The following SRPK2 variants were observed in gnomAD, a reference collection of about 807,000 sequenced individuals.
SRPK2 encodes SRSF protein kinase 2.
SRPK2 carries 21 observed loss-of-function variants against 90.8 expected under a neutral mutation model. The observed-to-expected ratio is 0.23, with a 90% CI of 0.16 to 0.33. The LOEUF (loss-of-function observed/expected upper bound fraction) is 0.33. Among genes scored for constraint, SRPK2 ranks in the 10% least tolerant of loss-of-function variants. The pLI, the probability that SRPK2 is intolerant of heterozygous loss-of-function variation, is 1.00. For synonymous variants in SRPK2, 288 were observed against 311.1 expected (o/e 0.93, Z 0.78); for missense variants, 620 against 869.0 (o/e 0.71, Z 3.60).
At chr7:105,378,908 G>C (rs7357199) in intron 2 of SRPK2, among the ~76,000 whole-genome samples, 41,543 of 151,976 alleles carry the variant, frequency 0.27, 6,183 homozygotes, top group Middle Eastern at 0.34. Flanking sequence ...GCAAACTTAA[G>C]TGTCTTTACA....
At position 105,325,315 on chromosome 7, in the gene SRPK2, A is replaced by G. The variant is rs1002644725; in HGVS notation, c.71+63333T>C. On this transcript the variant is annotated intron_variant, in intron 2 of 15. Coordinates refer to ENST00000393651, the MANE Select transcript of SRPK2 (RefSeq NM_182692.3). ...TCTAGCTCTTTAACAAGGTGTCACA[A>G]GCGATTATTACATGCCTTTGTGAAA... 2.0e-5 allele frequency among the ~76,000 whole-genome samples: 3 copies of G among 152,148 alleles called. No individual in the cohort carries two copies. The East Asian group carries it at 5.8e-4, about 29-fold the overall frequency.
chr7:105,312,192 A>C (rs1457831772), intron 2 of SRPK2, among the ~76,000 whole-genome samples: 5 of 152,262 alleles, frequency 3.3e-5, no homozygotes, highest in Admixed American at 6.5e-5. Flanking sequence ...CTGTAATCCC[A>C]GAACTTTGGG....
At chr7:105,120,271 C>T (rs1033508518) in intron 15 of SRPK2, among the ~76,000 whole-genome samples, 1 of 152,170 alleles carries the variant, frequency 6.6e-6, no homozygotes, top group Non-Finnish European at 1.5e-5. Context: ...TACAGAGAAG[C>T]ACTGTGTGCT....
intron 2 of SRPK2, among the ~76,000 whole-genome samples, chr7:105,375,983 C>CTTT (rs34445430): frequency 0.038 from 2,374 of 63,200 alleles, 672 homozygotes; most frequent in East Asian, 0.043. Context: ...GAATTCATTT[C>CTTT]TTTTTTTTTT....
intron 2 of SRPK2, among the ~76,000 whole-genome samples, chr7:105,331,911 C>T (rs750430924): frequency 3.9e-5 from 6 of 152,108 alleles, no homozygotes; most frequent in Non-Finnish European, 5.9e-5. Flanking sequence ...ATAATCTCAG[C>T]ACTTTGGGAA....
intron 2 of SRPK2, among the ~76,000 whole-genome samples, chr7:105,228,651 G>T (rs1378527492): frequency 6.6e-6 from 1 of 152,298 alleles, no homozygotes; most frequent in African/African-American, 2.4e-5. Context: ...AGGCCTCGGG[G>T]TCACGGGCAC....
intron 15 of SRPK2, among the ~76,000 whole-genome samples, chr7:105,121,267 C>T (rs1800322277): frequency 6.6e-6 from 1 of 151,658 alleles, no homozygotes; most frequent in African/African-American, 2.4e-5. Flanking sequence ...ATCGTTTGAA[C>T]CCAGGAGGCA....
intron 11 of SRPK2, 123 bp downstream of exon 11, chr7:105,141,885 A>G: frequency 4.6e-6 from 5 of 1,090,004 alleles, no homozygotes; most frequent in Non-Finnish European, 6.5e-6. Flanking sequence ...TATAAAAGTA[A>G]TAAAACTGAT....
rs1299416100 is a variant in SRPK2 at position 105,160,521 on chromosome 7, T to C, written c.607A>G (p.Ser203Gly). The C allele has an allele frequency of 6.2e-7, 1 of 1,612,316 alleles. No individual in the cohort carries two copies. Among genetic ancestry groups the C allele is most frequent in the Non-Finnish European group, 8.5e-7 (1 of 1,178,348 alleles). ...YQGLPVRCVK[S>G]IIRQVLQGLD... is the part of the protein sequence containing the mutation. The stretch of plus-strand genomic sequence containing the variant: ...AAAAGTCTCACCTGTCGAATGATAC[T>C]CTTCACACAACGTACTGGGAGGCCT... The change falls in exon 7 of 16, where the codon AGT (serine) becomes GGT (glycine). Residue 203 changes from serine (S) to glycine (G), a missense_variant. By Grantham distance (56) the Ser-to-Gly change is moderately conservative. Coordinates refer to ENST00000393651, the MANE Select transcript of SRPK2 (RefSeq NM_182692.3).
chr7:105,170,951 G>GAAAT (rs1206621460), intron 3 of SRPK2, among the ~76,000 whole-genome samples: 1 of 35,912 alleles, frequency 2.8e-5, no homozygotes, highest in Non-Finnish European at 7.6e-5. Context: ...AAGAAAGAAA[G>GAAAT]AAAGAAAGAA....
chr7:105,125,738 G>T (rs960059690), intron 15 of SRPK2: 9 of 899,220 alleles, frequency 1.0e-5, no homozygotes, highest in Non-Finnish European at 1.2e-5. Flanking sequence ...TCTCCTTTTG[G>T]GAGAAGACTA....
At position 105,142,474 on chromosome 7, in the gene SRPK2, C is replaced by T. The variant is rs776842808; in HGVS notation, c.1077G>A (p.Gln359=). The T allele has an allele frequency of 3.1e-6, 5 of 1,610,260 alleles. No homozygotes were observed. The highest frequency in any genetic ancestry group is 3.4e-5 in the Admixed American group (2 of 59,586). The change falls in exon 11 of 16, where the codon CAG becomes CAA. Residue 359 remains glutamine, a synonymous_variant. Transcript: ENST00000393651. ...CTTTCTCAGCATCTTCTTTCTCTTC[C>T]TGGTCCTCAGCTTCACCTTAAGAAT... The part of the protein sequence containing the change: ...TAKDNGEAED[Q]EEKEDAEKEN...
rs1156638968 is a variant in SRPK2 at position 105,129,110 on chromosome 7, C to G, written c.1753-2048G>C. ...CTGAGTAGCTGGGACTACAGGCGCC[C>G]GCCACCACGCCCGGCTAATTTTTTG... On this transcript the variant is annotated intron_variant, in intron 13 of 15. Coordinates refer to ENST00000393651, the MANE Select transcript of SRPK2 (RefSeq NM_182692.3). 1.3e-5 allele frequency among the ~76,000 whole-genome samples: 2 copies of G among 152,040 alleles called. 1 individual carries two copies. The highest frequency in any genetic ancestry group is 4.2e-4 in the South Asian group (2 of 4,814).
At chr7:105,338,520 G>A (rs1815386428) in intron 2 of SRPK2, among the ~76,000 whole-genome samples, 2 of 152,152 alleles carry the variant, frequency 1.3e-5, no homozygotes, top group Admixed American at 1.3e-4. Context: ...GCCTCCTAAA[G>A]TCCTGGGATT....
At chr7:105,137,539 C>T (rs1803038117) in intron 11 of SRPK2, among the ~76,000 whole-genome samples, 1 of 152,132 alleles carries the variant, frequency 6.6e-6, no homozygotes, top group Non-Finnish European at 1.5e-5. Context: ...TCGAGTGACA[C>T]AGAAAGGATT....
chr7:105,190,912 C>T (rs1351555877), intron 3 of SRPK2, among the ~76,000 whole-genome samples: 3 of 152,188 alleles, frequency 2.0e-5, no homozygotes, highest in Admixed American at 2.0e-4. Context: ...AACATTATTT[C>T]ACCTTGTTTA....
intron 2 of SRPK2, among the ~76,000 whole-genome samples, chr7:105,212,348 C>A (rs771520652): frequency 1.3e-5 from 2 of 152,124 alleles, no homozygotes; most frequent in Non-Finnish European, 2.9e-5. Context: ...TGTAAACACA[C>A]AAATGTAAGC....
Position 105,388,864 on chromosome 7 carries a change from G to C in SRPK2, c.-58C>G, listed in dbSNP as rs1413111107. On this transcript the variant is annotated 5_prime_UTR_variant, in exon 1 of 16. Coordinates refer to ENST00000393651, the MANE Select transcript of SRPK2 (RefSeq NM_182692.3). ...GCGACGGCGACGCGGGCGCCGAGAC[G>C]AGCTGGGCTGCAGCCTCCACTCGCT... 2.0e-4 allele frequency: 263 copies of C among 1,307,048 alleles called. No homozygotes were observed. The highest frequency in any genetic ancestry group is 2.5e-4 in the Non-Finnish European group (257 of 1,033,972). The allele number at this position is 1,307,048 out of a possible 1,614,324, so 81.0% of individuals were successfully genotyped here.
rs567158048 is a variant in SRPK2 at position 105,357,680 on chromosome 7, G to T, written c.71+30968C>A. 2.0e-5 allele frequency among the ~76,000 whole-genome samples: 3 copies of T among 151,830 alleles called. No individual in the cohort carries two copies. The South Asian group carries it at 6.2e-4, about 32-fold the overall frequency. Reference sequence around the variant, plus strand: ...AATTGCTTGAACCCAGGAGGCGGAGGTTACAGTGAGCCAAGATCACACCAT... The same window carrying T: ...AATTGCTTGAACCCAGGAGGCGGAGTTTACAGTGAGCCAAGATCACACCAT... On this transcript the variant is annotated intron_variant, in intron 2 of 15. Transcript: ENST00000393651.
Sources: gnomAD v4.1 joint callset for allele counts (sites outside exome capture counted in the v4.1 genomes callset) on GRCh38, gnomAD v4.1.1 for gene constraint, MANE v1.5 for transcripts, NCBI Gene and HGNC (gene_info 2026-07-23, HGNC 2026-07-21) for gene names.